The following HABP2 variants were observed in gnomAD, a reference collection of about 807,000 sequenced individuals.
HABP2 encodes the protein hyaluronan binding protein 2, also known as factor VII-activating protease.
HABP2 carries 65 observed loss-of-function variants against 66.5 expected under a neutral mutation model. The observed-to-expected ratio is 0.98, with a 90% CI of 0.80 to 1.20. The LOEUF is 1.20. HABP2 is among the 50% of genes most tolerant of loss of function. The pLI, the probability that HABP2 is intolerant of heterozygous loss-of-function variation, is 0.00. For synonymous variants in HABP2, 263 were observed against 253.9 expected (o/e 1.04, Z -0.34); for missense variants, 786 against 691.0 (o/e 1.14, Z -1.54).
intron 1 of HABP2, among the ~76,000 whole-genome samples, chr10:113,558,650 C>CA: frequency 6.6e-6 from 1 of 152,234 alleles, no homozygotes; most frequent in East Asian, 1.9e-4. Flanking sequence ...CAGATACCCG[C>CA]AGTGGCTCAC....
At position 113,588,399 on chromosome 10, in the gene HABP2, T is replaced by G. The variant is rs770723994; in HGVS notation, c.*30T>G. 1.9e-6 allele frequency: 3 copies of G among 1,575,154 alleles called. No individual in the cohort carries two copies. Among genetic ancestry groups the G allele is most frequent in the African/African-American group, 1.4e-5 (1 of 73,892 alleles). On this transcript the variant is annotated 3_prime_UTR_variant, in exon 13 of 13. Coordinates refer to ENST00000351270, the MANE Select transcript of HABP2 (RefSeq NM_004132.5). The stretch of plus-strand genomic sequence containing the variant: ...CTGTCTTCTGGACCTCAGAGCCCAC[T>G]CTCCTTGGCACCCTGACACCGGGAG...
At chr10:113,571,293 C>A (rs900136023) in intron 2 of HABP2, among the ~76,000 whole-genome samples, 1 of 152,144 alleles carries the variant, frequency 6.6e-6, no homozygotes, top group Non-Finnish European at 1.5e-5. Context: ...ATTGGCTGGG[C>A]TTTCTTATAT....
At chr10:113,553,048 T>C (rs1844924215), upstream of HABP2, 4 of 1,056,946 alleles carry the variant, frequency 3.8e-6, no homozygotes. Context: ...GAGACTGACA[T>C]TTTTCCCCCC....
rs749533180 is a variant in HABP2, at chr10:113,582,119, C to G, written c.1082C>G (p.Ala361Gly). The G allele has an allele frequency of 6.2e-7, 1 of 1,605,364 alleles. No homozygotes were observed. Among genetic ancestry groups the G allele is most frequent in the Non-Finnish European group, 8.5e-7 (1 of 1,179,348 alleles). Residue 361 changes from alanine to glycine, a missense_variant, in exon 9 of 13, where the codon GCC becomes GGC. Coordinates refer to ENST00000351270, the MANE Select transcript of HABP2 (RefSeq NM_004132.5). ...LIHPCWVLTAAHCTDIKTRHL... is the reference protein window; with the variant it reads ...LIHPCWVLTAGHCTDIKTRHL... The stretch of plus-strand genomic sequence containing the variant: ...CACCCCTGCTGGGTGCTCACTGCTG[C>G]CCACTGCACCGAGTAGGTGCCGCTG...
chr10:113,578,002 C>T, intron 5 of HABP2, 24 bp from the exon 6 acceptor site: 1 of 1,612,648 alleles, frequency 6.2e-7, no homozygotes, highest in South Asian at 1.1e-5. Flanking sequence ...AAGAGCCTTC[C>T]TGGCCCCATT....
chr10:113,578,587 A>G (rs374414455), intron 6 of HABP2, 40 bp from the exon 7 acceptor site: 12 of 1,505,006 alleles, frequency 8.0e-6, no homozygotes, highest in Admixed American at 3.6e-5. Flanking sequence ...TGGCATGCCA[A>G]TGGCTGTTGG....
chr10:113,551,676 T>A (rs1027772789), upstream of HABP2, among the ~76,000 whole-genome samples: 1 of 152,130 alleles, frequency 6.6e-6, no homozygotes, highest in African/African-American at 2.4e-5. Flanking sequence ...CATGGTGGCA[T>A]ACACCTGTAT....
Position 113,553,116 on chromosome 10 carries a change from G to A in HABP2, c.-6G>A. ...AGAGGAAAACACAAGTCCTTAAACT[G>A]CAAAGATGTTTGCCAGGATGTCTGA... On this transcript the variant is annotated 5_prime_UTR_variant, in exon 1 of 13. Transcript: ENST00000351270. 1 of 1,611,836 alleles carries A rather than the reference G, an allele frequency of 6.2e-7. No individual in the cohort carries two copies.
Position 113,584,242 on chromosome 10 carries a change from G to C in HABP2, c.1332G>C (p.Gly444=), listed in dbSNP as rs763016745. The change falls in exon 11 of 13, where the codon GGG becomes GGC. Residue 444 remains glycine, a synonymous_variant. Transcript: ENST00000351270. ...TGCCTGATGGGTCCTTTCCCTCTGG[G>C]AGTGAGTGCCACATCTCTGGCTGGG... ...VCLPDGSFPS[G]SECHISGWGV... 1 of 1,614,000 alleles carries C rather than the reference G, an allele frequency of 6.2e-7. No homozygotes were observed. Among genetic ancestry groups the C allele is most frequent in the South Asian group, 1.1e-5 (1 of 91,062 alleles).
chr10:113,575,768 C>T, intron 3 of HABP2, 129 bp from the exon 4 acceptor site: 1 of 667,678 alleles, frequency 1.5e-6, no homozygotes, highest in East Asian at 2.5e-5. Context: ...TTCCTCCTTT[C>T]CCCAGTTTCT....
At chr10:113,587,318 AAAAAAC>A (rs1450596858) in intron 12 of HABP2, among the ~76,000 whole-genome samples, 2 of 142,044 alleles carry the variant, frequency 1.4e-5, no homozygotes, top group African/African-American at 2.7e-5. Flanking sequence ...CCCTGTCTCA[AAAAAAC>A]AAAAACAAAC....
chr10:113,577,062 C>A, intron 4 of HABP2, 88 bp from the exon 5 acceptor site: 1 of 777,578 alleles, frequency 1.3e-6, no homozygotes, highest in South Asian at 1.5e-5. Flanking sequence ...CACTGTCAGT[C>A]ACCCCACCCT....
intron 2 of HABP2, among the ~76,000 whole-genome samples, chr10:113,568,226 A>T (rs1207893768): frequency 1.3e-5 from 2 of 152,214 alleles, no homozygotes; most frequent in Non-Finnish European, 2.9e-5. Context: ...TGCAGCTCTG[A>T]GCCGCAGTGG....
intron 8 of HABP2, 120 bp from the exon 9 acceptor site, chr10:113,581,756 A>G: frequency 1.1e-6 from 1 of 902,968 alleles, no homozygotes; most frequent in Non-Finnish European, 1.8e-6. Flanking sequence ...GCACCAGTGC[A>G]GTCTCTCAGC....
chr10:113,576,735 C>A (rs1216779468), intron 4 of HABP2, among the ~76,000 whole-genome samples: 2 of 152,164 alleles, frequency 1.3e-5, no homozygotes, highest in East Asian at 3.8e-4. Flanking sequence ...TTCAATCCTG[C>A]AATTTCTTCA....
intron 2 of HABP2, 144 bp from the exon 3 acceptor site, chr10:113,574,145 C>T (rs1258500380): frequency 7.1e-6 from 4 of 560,380 alleles, no homozygotes; most frequent in East Asian, 3.1e-5. Context: ...TTTCCACTCC[C>T]CTCACTGTGC....
At chr10:113,555,503 A>G (rs1242386594) in intron 1 of HABP2, among the ~76,000 whole-genome samples, 2 of 152,200 alleles carry the variant, frequency 1.3e-5, no homozygotes, top group African/African-American at 4.8e-5. Flanking sequence ...ATCTGTGGTC[A>G]CTATTCATTG....
At chr10:113,561,744 G>A (rs141377891) in intron 1 of HABP2, among the ~76,000 whole-genome samples, 2 of 152,220 alleles carry the variant, frequency 1.3e-5, no homozygotes, top group Non-Finnish European at 2.9e-5. Context: ...TTCTACCAAC[G>A]AATTTCTGGA....
chr10:113,558,162 GCTTTGCTTTCC>G (rs746875155), intron 1 of HABP2, among the ~76,000 whole-genome samples: 28 of 152,198 alleles, frequency 1.8e-4, no homozygotes, highest in Non-Finnish European at 3.8e-4. Flanking sequence ...TAGCCCCGAA[GCTTTGCTTTCC>G]CTTTGCTTTC....
Sources: gnomAD v4.1 joint callset for allele counts (sites outside exome capture counted in the v4.1 genomes callset) on GRCh38, gnomAD v4.1.1 for gene constraint, MANE v1.5 for transcripts, NCBI Gene and HGNC (gene_info 2026-07-23, HGNC 2026-07-21) for gene names.